Variants in CFAP299 observed in about 807,000 individuals in gnomAD.
The protein encoded by CFAP299 is cilia- and flagella-associated protein 299.
A neutral mutation model predicts 27.0 loss-of-function variants in CFAP299; 21 were observed. The observed-to-expected ratio is 0.78, with a 90% CI of 0.55 to 1.12. CFAP299 has a LOEUF of 1.12. Ranked by LOEUF, CFAP299 falls within the 50% of genes most tolerant of loss-of-function variation. The pLI, the probability that CFAP299 is intolerant of heterozygous loss-of-function variation, is 0.00. For missense variants in CFAP299, 310 were observed against 276.6 expected (o/e 1.12, Z -0.86); for synonymous variants, 104 against 98.1 (o/e 1.06, Z -0.36).
chr4:80,429,387 A>G (rs1319803576), intron 2 of CFAP299, among the ~76,000 whole-genome samples: 2 of 152,324 alleles, frequency 1.3e-5, no homozygotes, highest in Middle Eastern at 3.4e-3. Context: ...GATATATCTT[A>G]TGTATCTTAG....
At chr4:80,626,835 G>A (rs562449688) in intron 3 of CFAP299, among the ~76,000 whole-genome samples, 1 of 151,716 alleles carries the variant, frequency 6.6e-6, no homozygotes, top group Non-Finnish European at 1.5e-5. Context: ...CCAGTAAAAA[G>A]ATTGAATCAG....
rs546545684 is a variant in CFAP299 at position 80,507,875 on chromosome 4, T to C, written c.243-75218T>C. 5.9e-5 allele frequency among the ~76,000 whole-genome samples: 9 copies of C among 152,292 alleles called. No homozygotes were observed. The South Asian group carries it at 1.9e-3, about 32-fold the overall frequency. Reference sequence around the variant, plus strand: ...CTTAAAAATAATAAATTATAACTGATTCCTATGTAAAGACAGATGACACAA... The same window carrying C: ...CTTAAAAATAATAAATTATAACTGACTCCTATGTAAAGACAGATGACACAA... On this transcript the variant is annotated intron_variant, in intron 2 of 5. Coordinates refer to ENST00000358105, the MANE Select transcript of CFAP299 (RefSeq NM_152770.3).
chr4:80,749,456 T>A (rs1724810641), intron 3 of CFAP299, among the ~76,000 whole-genome samples: 1 of 152,188 alleles, frequency 6.6e-6, no homozygotes, highest in Non-Finnish European at 1.5e-5. Context: ...AGGAAGTTTA[T>A]TTAGGAAAAT....
At chr4:80,648,453 A>T (rs1740133432) in intron 3 of CFAP299, among the ~76,000 whole-genome samples, 1 of 152,122 alleles carries the variant, frequency 6.6e-6, no homozygotes, top group Non-Finnish European at 1.5e-5. Flanking sequence ...TAACAAACTC[A>T]CTAATGACAG....
intron 5 of CFAP299, among the ~76,000 whole-genome samples, chr4:80,952,328 A>T (rs764621387): frequency 6.6e-6 from 1 of 152,194 alleles, no homozygotes; most frequent in Non-Finnish European, 1.5e-5. Context: ...AAAATATTTT[A>T]GGGTCTTAGG....
intron 2 of CFAP299, among the ~76,000 whole-genome samples, chr4:80,493,100 G>A (rs540805511): frequency 3.2e-4 from 49 of 152,264 alleles, no homozygotes; most frequent in African/African-American, 1.2e-3. Context: ...GCTTGACACA[G>A]TCTTTTGCCA....
At chr4:80,782,690 A>G (rs1489970163) in intron 3 of CFAP299, among the ~76,000 whole-genome samples, 1 of 131,020 alleles carries the variant, frequency 7.6e-6, no homozygotes, top group African/African-American at 2.8e-5. Flanking sequence ...ATATGAATAT[A>G]TAATATATTC....
At chr4:80,396,695 A>G (rs1725815848) in intron 2 of CFAP299, among the ~76,000 whole-genome samples, 1 of 152,086 alleles carries the variant, frequency 6.6e-6, no homozygotes, top group Admixed American at 6.6e-5. Context: ...TGATTTGTGT[A>G]TGTTGAACCA....
intron 3 of CFAP299, among the ~76,000 whole-genome samples, chr4:80,774,437 C>T (rs535867569): frequency 6.6e-6 from 1 of 151,780 alleles, no homozygotes; most frequent in Non-Finnish European, 1.5e-5. Flanking sequence ...TATATTTTTT[C>T]TGCTACTATA....
intron 2 of CFAP299, among the ~76,000 whole-genome samples, chr4:80,478,367 A>G (rs1730385967): frequency 6.6e-6 from 1 of 152,224 alleles, no homozygotes; most frequent in Admixed American, 6.5e-5. Flanking sequence ...TTTGTTTGAT[A>G]GCCTTTTATC....
At chr4:80,578,181 C>T (rs1735968280) in intron 2 of CFAP299, among the ~76,000 whole-genome samples, 1 of 152,110 alleles carries the variant, frequency 6.6e-6, no homozygotes, top group African/African-American at 2.4e-5. Flanking sequence ...TGAAACAGAC[C>T]TACTTCACTT....
chr4:80,935,647 T>C (rs931108678), intron 4 of CFAP299, among the ~76,000 whole-genome samples: 3 of 152,128 alleles, frequency 2.0e-5, no homozygotes, highest in African/African-American at 7.2e-5. Context: ...ATTCTGGATA[T>C]AGAAACAGGC....
chr4:80,492,089 A>C (rs1446922789), intron 2 of CFAP299, among the ~76,000 whole-genome samples: 3 of 152,336 alleles, frequency 2.0e-5, no homozygotes, highest in African/African-American at 7.2e-5. Flanking sequence ...AAACTCAACC[A>C]ATTGTCAACC....
chr4:80,383,876 C>A (rs905276224), intron 2 of CFAP299, among the ~76,000 whole-genome samples: 1 of 151,984 alleles, frequency 6.6e-6, no homozygotes, highest in African/African-American at 2.4e-5. Context: ...ATCTTTCCCT[C>A]ATTAGAATTT....
chr4:80,943,929 G>T (rs1166581951), intron 4 of CFAP299, among the ~76,000 whole-genome samples: 1 of 152,048 alleles, frequency 6.6e-6, no homozygotes, highest in Non-Finnish European at 1.5e-5. Flanking sequence ...AGCTGAGCGT[G>T]GTGGCGCACA....
chr4:80,949,055 T>C (rs1010748050), intron 5 of CFAP299, among the ~76,000 whole-genome samples: 4 of 152,138 alleles, frequency 2.6e-5, no homozygotes, highest in Non-Finnish European at 5.9e-5. Context: ...TCTTGTGCAG[T>C]CCCAGAAATA....
At chr4:80,692,857 AC>A (rs1334931734) in intron 3 of CFAP299, among the ~76,000 whole-genome samples, 1 of 152,128 alleles carries the variant, frequency 6.6e-6, no homozygotes, top group Non-Finnish European at 1.5e-5. Context: ...CAAGAAAAAA[AC>A]AAACAACCCC....
intron 3 of CFAP299, among the ~76,000 whole-genome samples, chr4:80,666,186 C>G (rs891842716): frequency 6.6e-6 from 1 of 152,084 alleles, no homozygotes; most frequent in Non-Finnish European, 1.5e-5. Context: ...CTTTTTCAAA[C>G]TCTCCCTCCT....
intron 3 of CFAP299, among the ~76,000 whole-genome samples, chr4:80,784,500 T>C (rs1205288017): frequency 6.6e-6 from 1 of 151,930 alleles, no homozygotes; most frequent in Non-Finnish European, 1.5e-5. Flanking sequence ...TTCTTTCTTT[T>C]CTTTCTTTTT....
Sources: allele counts gnomAD v4.1 joint callset (sites outside exome capture counted in the v4.1 genomes callset), GRCh38; gene constraint gnomAD v4.1.1; transcripts MANE v1.5; gene names NCBI Gene and HGNC (gene_info 2026-07-23, HGNC 2026-07-21).